Variants in KHDRBS2 observed in about 807,000 individuals in gnomAD.
The protein encoded by KHDRBS2 is KH RNA binding domain containing, signal transduction associated 2, also known as KH domain-containing, RNA-binding, signal transduction-associated protein 2.
In KHDRBS2, 26 loss-of-function variants were observed where a neutral mutation model predicts 44.3. That is an observed-to-expected ratio of 0.59 (90% CI 0.43 to 0.81). The LOEUF (loss-of-function observed/expected upper bound fraction) is 0.81. Among genes scored for constraint, KHDRBS2 ranks in the 40% least tolerant of loss-of-function variants. The pLI, the probability that KHDRBS2 is intolerant of heterozygous loss-of-function variation, is 0.00. For missense variants in KHDRBS2, 476 were observed against 433.1 expected, an observed-to-expected ratio of 1.10 and a Z score of -0.88; for synonymous variants, 194 against 151.1, an observed-to-expected ratio of 1.28 and a Z score of -2.08.
At chr6:61,630,211 A>G in the KHDRBS2 span, 40 of 152,324 alleles carry the variant, frequency 2.6e-4, no homozygotes, top group African/African-American at 9.6e-4. Context: ...TGAGACTAGT[A>G]GAAAGAAATA....
chr6:61,916,761 T>A (rs1235455919), intron 4 of KHDRBS2, among the ~76,000 whole-genome samples: 2 of 151,840 alleles, frequency 1.3e-5, no homozygotes, highest in Non-Finnish European at 2.9e-5. Context: ...CGTACAGAAT[T>A]TAGTGAGCAA....
At chr6:62,086,165 T>C (rs1798341889) in intron 2 of KHDRBS2, among the ~76,000 whole-genome samples, 1 of 152,116 alleles carries the variant, frequency 6.6e-6, no homozygotes, top group African/African-American at 2.4e-5. Context: ...TAGATATATA[T>C]AAGGGTAAAG....
At chr6:61,566,025 G>A in the KHDRBS2 span, among the ~76,000 whole-genome samples, 33 of 148,794 alleles carry the variant, frequency 2.2e-4, no homozygotes, top group Admixed American at 2.2e-3. Context: ...GTGTGTGTGT[G>A]TGCATGTGTG....
At chr6:61,734,355 TAATAC>T (rs1707485490) in intron 6 of KHDRBS2, among the ~76,000 whole-genome samples, 1 of 152,116 alleles carries the variant, frequency 6.6e-6, no homozygotes, top group Admixed American at 6.6e-5. Flanking sequence ...TATTTAGAAA[TAATAC>T]AAACAAGCTT....
intron 3 of KHDRBS2, among the ~76,000 whole-genome samples, chr6:61,983,383 A>G (rs1774388141): frequency 6.6e-6 from 1 of 151,232 alleles, no homozygotes; most frequent in African/African-American, 2.4e-5. Flanking sequence ...GCCATAACTA[A>G]GACTGACTTT....
intron 4 of KHDRBS2, among the ~76,000 whole-genome samples, chr6:61,932,660 C>T (rs1279395999): frequency 2.0e-5 from 3 of 152,008 alleles, no homozygotes; most frequent in East Asian, 3.9e-4. Flanking sequence ...ATTAGCCGGG[C>T]GTGGTGGTGG....
At chr6:61,549,101 C>A in the KHDRBS2 span, among the ~76,000 whole-genome samples, 1 of 152,040 alleles carries the variant, frequency 6.6e-6, no homozygotes. Context: ...AATGCAATGA[C>A]CTTAGGATTG....
At chr6:62,212,750 A>G (rs574278416) in intron 1 of KHDRBS2, among the ~76,000 whole-genome samples, 1 of 152,322 alleles carries the variant, frequency 6.6e-6, no homozygotes, top group Non-Finnish European at 1.5e-5. Flanking sequence ...CAGAGAGAGC[A>G]TAGCCCTGCC....
chr6:61,627,252 C>CAAA, the KHDRBS2 span, among the ~76,000 whole-genome samples: 5 of 76,112 alleles, frequency 6.6e-5, no homozygotes, highest in South Asian at 5.7e-4. Context: ...GACTCCGTCT[C>CAAA]AAAAAAAAAA....
At chr6:61,567,225 A>G in the KHDRBS2 span, among the ~76,000 whole-genome samples, 2 of 151,940 alleles carry the variant, frequency 1.3e-5, no homozygotes, top group African/African-American at 2.4e-5. Flanking sequence ...TCAAAGGGGG[A>G]AAAAAAAGAA....
the KHDRBS2 span, among the ~76,000 whole-genome samples, chr6:61,616,533 AT>A: frequency 2.7e-5 from 4 of 150,714 alleles, no homozygotes; most frequent in Non-Finnish European, 5.9e-5. Context: ...AATAACATAA[AT>A]TTTTTTAAAT....
chr6:62,195,737 A>G (rs1370859751), intron 1 of KHDRBS2, among the ~76,000 whole-genome samples: 3 of 152,176 alleles, frequency 2.0e-5, no homozygotes, highest in African/African-American at 7.2e-5. Flanking sequence ...AAGTGTGCAT[A>G]GTCCAGCTAA....
chr6:61,661,285 C>T, the KHDRBS2 span: 1 of 151,806 alleles, frequency 6.6e-6, no homozygotes, highest in East Asian at 2.0e-4. Context: ...GACTCACCTC[C>T]ATTGTTAAAA....
chr6:61,822,362 T>A (rs1261938879), intron 6 of KHDRBS2, among the ~76,000 whole-genome samples: 1 of 152,004 alleles, frequency 6.6e-6, no homozygotes, highest in East Asian at 1.9e-4. Context: ...ATCCAGTTAA[T>A]CACTGAGTCC....
chr6:62,268,400 C>A (rs543724099), intron 1 of KHDRBS2, among the ~76,000 whole-genome samples: 1 of 152,100 alleles, frequency 6.6e-6, no homozygotes, highest in South Asian at 2.1e-4. Flanking sequence ...GTCACTTATG[C>A]TGTTGGGCAA....
chr6:61,892,134 G>C (rs1371790530), intron 6 of KHDRBS2, among the ~76,000 whole-genome samples: 1 of 152,104 alleles, frequency 6.6e-6, no homozygotes, highest in Non-Finnish European at 1.5e-5. Flanking sequence ...CAAATCATGA[G>C]TGAACTCCCA....
intron 3 of KHDRBS2, among the ~76,000 whole-genome samples, chr6:61,992,890 C>T (rs1454030208): frequency 2.0e-5 from 3 of 152,110 alleles, no homozygotes; most frequent in Non-Finnish European, 4.4e-5. Flanking sequence ...TTAATGAATG[C>T]TCTACCAATA....
chr6:61,594,078 C>T, the KHDRBS2 span, among the ~76,000 whole-genome samples: 3 of 151,932 alleles, frequency 2.0e-5, no homozygotes, highest in African/African-American at 7.2e-5. Flanking sequence ...AGAATAATCC[C>T]AAACAATTTA....
intron 6 of KHDRBS2, among the ~76,000 whole-genome samples, chr6:61,764,647 CAT>C (rs567396910): frequency 1.3e-3 from 195 of 152,110 alleles, no homozygotes; most frequent in Non-Finnish European, 2.0e-3. Context: ...AGCTTTTTTT[CAT>C]ATGTTTGTTT....
Sources: gnomAD v4.1 joint callset for allele counts (sites outside exome capture counted in the v4.1 genomes callset) on GRCh38, gnomAD v4.1.1 for gene constraint, MANE v1.5 for transcripts, NCBI Gene and HGNC (gene_info 2026-07-23, HGNC 2026-07-21) for gene names.